ATP2C2: variants seen among roughly 807,000 people sequenced by gnomAD.
ATP2C2 encodes the protein ATPase secretory pathway Ca2+ transporting 2.
Under a neutral mutation model 110.8 loss-of-function variants are expected in ATP2C2, and 171 were observed. That is an observed-to-expected ratio of 1.54 (90% CI 1.36 to 1.75). The LOEUF is 1.75. ATP2C2 is among the 40% of genes most tolerant of loss of function. The probability of loss-of-function intolerance (pLI) is 0.00; values close to 1 mark genes in which losing one functional copy is unlikely to be tolerated. For synonymous variants in ATP2C2, 804 were observed against 508.4 expected (o/e 1.58, Z -7.82); for missense variants, 1,963 against 1,235.0 (o/e 1.59, Z -8.84).
At chr16:84,436,136 C>T (rs562301436) in intron 11 of ATP2C2, among the ~76,000 whole-genome samples, 2 of 152,336 alleles carry the variant, frequency 1.3e-5, no homozygotes, top group Admixed American at 1.3e-4. Context: ...CTCAAACAAA[C>T]CCAGCCACCC....
At chr16:84,416,910 C>T (rs1010949105) in intron 7 of ATP2C2, among the ~76,000 whole-genome samples, 8 of 123,468 alleles carry the variant, frequency 6.5e-5, no homozygotes, top group African/African-American at 3.0e-5. Flanking sequence ...TTTTCCTTCT[C>T]CCGAGAAGGG....
Position 84,462,081 on chromosome 16 carries a change from A to C in ATP2C2, c.2674A>C (p.Ile892Leu). 2 of 1,613,814 alleles carry C rather than the reference A, an allele frequency of 1.2e-6. No homozygotes were observed. Among genetic ancestry groups the C allele is most frequent in the Non-Finnish European group, 8.5e-7 (1 of 1,179,906 alleles). ...SILGQLAVIY[I>L]PPLQRVFQTE... is the part of the protein sequence containing the mutation. ...CCTGGGGCAGCTGGCGGTCATTTAC[A>C]TCCCCCCGCTGCAGAGGGTCTTCCA... The change falls in exon 26 of 27, where the codon ATC (isoleucine) becomes CTC (leucine). Residue 892 changes from isoleucine (I) to leucine (L), a missense_variant. Transcript: ENST00000262429.
At chr16:84,424,094 G>A (rs1038143457) in intron 10 of ATP2C2, among the ~76,000 whole-genome samples, 5 of 152,260 alleles carry the variant, frequency 3.3e-5, no homozygotes, top group Admixed American at 1.3e-4. Flanking sequence ...TTTAATCAAG[G>A]AATAAACCAA....
At chr16:84,403,934 G>T (rs1272956246) in intron 2 of ATP2C2, among the ~76,000 whole-genome samples, 3 of 152,110 alleles carry the variant, frequency 2.0e-5, no homozygotes, top group Non-Finnish European at 4.4e-5. Context: ...CAGGTGATCT[G>T]CCTGCCTTGG....
intron 1 of ATP2C2, among the ~76,000 whole-genome samples, chr16:84,376,535 A>AT (rs5741976): frequency 0.18 from 26,778 of 144,988 alleles, 2,403 homozygotes; most frequent in Non-Finnish European, 0.21. Context: ...TTTTTTGGCA[A>AT]TTTTTTTTTT....
chr16:84,402,745 GTAGT>G (rs1420029267), intron 2 of ATP2C2, among the ~76,000 whole-genome samples: 1 of 152,172 alleles, frequency 6.6e-6, no homozygotes, highest in Non-Finnish European at 1.5e-5. Flanking sequence ...ATATTGGCCA[GTAGT>G]TTTCTTTTTT....
chr16:84,405,437 G>A (rs112654024), intron 3 of ATP2C2, among the ~76,000 whole-genome samples, 193 bp downstream of exon 3: 122 of 152,200 alleles, frequency 8.0e-4, no homozygotes, highest in Middle Eastern at 3.4e-3. Flanking sequence ...GAAAAACAGT[G>A]ATCACTTTCG....
At chr16:84,403,227 T>C (rs1230723757) in intron 2 of ATP2C2, among the ~76,000 whole-genome samples, 1 of 152,154 alleles carries the variant, frequency 6.6e-6, no homozygotes. Flanking sequence ...TAAAAAAAAA[T>C]ACTCTTGTTT....
intron 1 of ATP2C2, among the ~76,000 whole-genome samples, chr16:84,372,169 C>T (rs1482067851): frequency 1.3e-5 from 2 of 152,014 alleles, no homozygotes; most frequent in Non-Finnish European, 2.9e-5. Context: ...AGTGGGGGAT[C>T]GTTGAAGGGT....
chr16:84,440,929 T>G lies in ATP2C2; in HGVS notation c.1282T>G (p.Ser428Ala), dbSNP rs747939978. 2 of 1,613,124 alleles carry G rather than the reference T, an allele frequency of 1.2e-6. No individual in the cohort carries two copies. Among genetic ancestry groups the G allele is most frequent in the Admixed American group, 1.7e-5 (1 of 59,970 alleles). The change falls in exon 14 of 27, where the codon TCC becomes GCC. Residue 428 changes from serine to alanine, a missense_variant. Ser to Ala is a moderately conservative substitution (Grantham distance 99). Transcript: ENST00000262429. ...LPSKEVIKEFSNVSVGKLVEA... is the reference protein window; with the variant it reads ...LPSKEVIKEFANVSVGKLVEA... ...ATCCAAGGAAGTCATTAAGGAATTT[T>G]CCAATGTCTCAGTGGGAAAGTTAGT...
chr16:84,371,197 G>A (rs936117474), intron 1 of ATP2C2, among the ~76,000 whole-genome samples: 2 of 152,144 alleles, frequency 1.3e-5, no homozygotes, highest in Non-Finnish European at 2.9e-5. Flanking sequence ...CTGGAGACTG[G>A]ATTTCAGCAT....
chr16:84,462,603 G>T (rs996883737), intron 26 of ATP2C2: 1 of 155,992 alleles, frequency 6.4e-6, no homozygotes, highest in African/African-American at 2.4e-5. Flanking sequence ...TTTTCCAAGG[G>T]CACACGCCCT....
intron 2 of ATP2C2, 145 bp downstream of exon 2, chr16:84,398,754 T>A (rs77691550): frequency 0.017 from 10,676 of 641,124 alleles, 157 homozygotes; most frequent in Non-Finnish European, 0.023. Flanking sequence ...TGATGTTGAA[T>A]GGTTCAGATT....
intron 15 of ATP2C2, among the ~76,000 whole-genome samples, chr16:84,443,154 G>C (rs759707878): frequency 1.3e-5 from 2 of 152,094 alleles, no homozygotes; most frequent in African/African-American, 2.4e-5. Context: ...AAGAAGGAGA[G>C]GCAGAAAACA....
chr16:84,450,050 C>T (rs560287787), intron 17 of ATP2C2, among the ~76,000 whole-genome samples: 14 of 152,370 alleles, frequency 9.2e-5, no homozygotes, highest in Admixed American at 5.9e-4. Flanking sequence ...TGCTGCGGAG[C>T]GTAATGACGC....
chr16:84,432,550 G>A (rs1315916043), intron 11 of ATP2C2, among the ~76,000 whole-genome samples: 1 of 151,912 alleles, frequency 6.6e-6, no homozygotes. Flanking sequence ...TTGAGATGGA[G>A]TCTTGCTCTG....
At chr16:84,434,772 C>A (rs904842175) in intron 11 of ATP2C2, among the ~76,000 whole-genome samples, 2 of 152,118 alleles carry the variant, frequency 1.3e-5, no homozygotes, top group African/African-American at 4.8e-5. Flanking sequence ...TCCGTTTCTG[C>A]GTTTCAAAGT....
chr16:84,411,961 C>T (rs1906344982), intron 6 of ATP2C2, among the ~76,000 whole-genome samples: 1 of 150,334 alleles, frequency 6.7e-6, no homozygotes, highest in African/African-American at 2.4e-5. Context: ...TCTTTTCTTT[C>T]TTTCCTTTCT....
intron 24 of ATP2C2, chr16:84,461,118 G>T: frequency 2.8e-6 from 1 of 357,822 alleles, no homozygotes; most frequent in Non-Finnish European, 5.1e-6. Context: ...GAAACAATTT[G>T]AAATCTGCTA....
Sources: gnomAD v4.1 joint callset for allele counts (sites outside exome capture counted in the v4.1 genomes callset) on GRCh38, gnomAD v4.1.1 for gene constraint, MANE v1.5 for transcripts, NCBI Gene and HGNC (gene_info 2026-07-23, HGNC 2026-07-21) for gene names.